Variants in HLA-DQA2 observed in about 807,000 individuals in gnomAD.
HLA-DQA2 encodes major histocompatibility complex, class II, DQ alpha 2.
In HLA-DQA2, 17 loss-of-function variants were observed where a neutral mutation model predicts 21.0. That is an observed-to-expected ratio of 0.81 (90% CI 0.56 to 1.22). The LOEUF is 1.22. Ranked by LOEUF, HLA-DQA2 falls within the 50% of genes most tolerant of loss-of-function variation. HLA-DQA2 has a pLI of 0.00. For missense variants in HLA-DQA2, 239 were observed against 308.8 expected, an observed-to-expected ratio of 0.77 and a Z score of 1.69; for synonymous variants, 81 against 116.5, an observed-to-expected ratio of 0.70 and a Z score of 1.96.
At chr6:32,745,493 T>A in intron 2 of HLA-DQA2, 86 bp downstream of exon 2, 1 of 1,416,128 alleles carries the variant, frequency 7.1e-7, no homozygotes, top group Non-Finnish European at 9.8e-7. Context: ...GATTTCCAGA[T>A]CTTCTCATGG....
rs535612458 is a variant in HLA-DQA2 at position 32,741,629 on chromosome 6, C to G, written c.82+104C>G. 13 of 1,093,150 alleles carry G rather than the reference C, an allele frequency of 1.2e-5. No homozygotes were observed. The African/African-American group carries it at 2.0e-4, about 17-fold the overall frequency. The allele number at this position is 1,093,150 out of a possible 1,614,324, so 67.7% of individuals were successfully genotyped here. A position where few individuals can be genotyped will look rare whatever the true frequency, so the allele number is the denominator to read the frequency against. ...GAAATAGTAGAAATTTCCCAAGGGT[C>G]TTTTCAATATTAAGAAATTTTAAAA... is the stretch of plus-strand genomic sequence containing the variant. On this transcript the variant is annotated intron_variant, in intron 1 of 4. Coordinates refer to ENST00000374940, the MANE Select transcript of HLA-DQA2 (RefSeq NM_020056.5).
In HLA-DQA2 at chr6:32,745,792, G is replaced by A. The variant is rs767756835; in HGVS notation, c.333G>A (p.Glu111=). Residue 111 remains glutamate, a splice_region_variant and synonymous_variant, in exon 3 of 5, where the codon GAG becomes GAA. Coordinates refer to ENST00000374940, the MANE Select transcript of HLA-DQA2 (RefSeq NM_020056.5). ...RQSNSTAATN[E]VPEVTVFSKF... Reference sequence around the variant, plus strand: ...ATCAGTGCTGTTTCCTCACCACAGAGGTTCCTGAGGTCACAGTGTTTTCCA... The same window carrying A: ...ATCAGTGCTGTTTCCTCACCACAGAAGTTCCTGAGGTCACAGTGTTTTCCA... The A allele has an allele frequency of 5.0e-6, 8 of 1,613,104 alleles. No individual in the cohort carries two copies. The highest frequency in any genetic ancestry group is 6.8e-6 in the Non-Finnish European group (8 of 1,180,048).
chr6:32,744,207 G>A lies in HLA-DQA2; in HGVS notation c.83-952G>A, dbSNP rs117610182. On this transcript the variant is annotated intron_variant, in intron 1 of 4. Transcript: ENST00000374940. ...TTTTGGATGCTCAGTAAATGAGGAA[G>A]GAAGGAAGGAAAGATAAAATGGTAA... 0.013 allele frequency among the ~76,000 whole-genome samples: 2,046 copies of A among 152,266 alleles called. 102 individuals carry two copies. In the East Asian group the frequency reaches 0.14, roughly 11 times the overall value.
rs1270400947 is a variant in HLA-DQA2 at position 32,745,892 on chromosome 6, A to G, written c.433A>G (p.Ile145Val). ...CAACATCTTTCCTCCTGTGGTCAAC[A>G]TCACCTGGCTGAGCAATGGGCACTC... Reference protein sequence around the residue: ...VDNIFPPVVNITWLSNGHSVT... With the variant: ...VDNIFPPVVNVTWLSNGHSVT... Residue 145 changes from isoleucine (I) to valine (V), a missense_variant, in exon 3 of 5, where the codon ATC becomes GTC. Ile to Val is a conservative substitution (Grantham distance 29, BLOSUM62 3). Coordinates refer to ENST00000374940, the MANE Select transcript of HLA-DQA2 (RefSeq NM_020056.5). 1 of 1,613,154 alleles carries G rather than the reference A, an allele frequency of 6.2e-7. No homozygotes were observed. Among genetic ancestry groups the G allele is most frequent in the Non-Finnish European group, 8.5e-7 (1 of 1,180,046 alleles).
chr6:32,746,449 T>A, intron 4 of HLA-DQA2, 35 bp downstream of exon 4: 1 of 1,439,026 alleles, frequency 6.9e-7, no homozygotes, highest in East Asian at 3.3e-5. Flanking sequence ...GAAACCTCAG[T>A]ATGAGAGGGA....
chr6:32,743,805 A>G (rs1368955942), intron 1 of HLA-DQA2, among the ~76,000 whole-genome samples: 1 of 152,180 alleles, frequency 6.6e-6, no homozygotes, highest in Non-Finnish European at 1.5e-5. Flanking sequence ...GGAAAAGACA[A>G]ACTTGGAGAG....
rs762568360 is a variant in HLA-DQA2, at chr6:32,745,321, C to T, written c.245C>T (p.Pro82Leu). ...TTTAGCAAATTTATAAGTTTTGACC[C>T]GCAGAGTGCACTGAGAAATATGGCT... ...PMFSKFISFD[P>L]QSALRNMAVG... Residue 82 changes from proline to leucine, a missense_variant, in exon 2 of 5, where the codon CCG becomes CTG. Physicochemically the swap from Pro to Leu is moderately conservative, Grantham distance 98. Coordinates refer to ENST00000374940, the MANE Select transcript of HLA-DQA2 (RefSeq NM_020056.5). 3.8e-6 allele frequency: 6 copies of T among 1,584,412 alleles called. No homozygotes were observed. Among genetic ancestry groups the T allele is most frequent in the South Asian group, 2.2e-5 (2 of 89,320 alleles).
At chr6:32,743,025 A>C (rs2113861909) in intron 1 of HLA-DQA2, among the ~76,000 whole-genome samples, 1 of 147,272 alleles carries the variant, frequency 6.8e-6, no homozygotes, top group Admixed American at 6.9e-5. Context: ...GCCACTGTGC[A>C]CGGCTAATTT....
chr6:32,745,322 G>T lies in HLA-DQA2; in HGVS notation c.246G>T (p.Pro82=), dbSNP rs9469266. ...PMFSKFISFD[P]QSALRNMAVG... ...TTAGCAAATTTATAAGTTTTGACCCGCAGAGTGCACTGAGAAATATGGCTG... is the reference window on the plus strand; with the variant it reads ...TTAGCAAATTTATAAGTTTTGACCCTCAGAGTGCACTGAGAAATATGGCTG... Residue 82 remains proline, a synonymous_variant, in exon 2 of 5, where the codon CCG becomes CCT. Transcript: ENST00000374940. 2.5e-6 allele frequency: 4 copies of T among 1,586,270 alleles called. No individual in the cohort carries two copies. The highest frequency in any genetic ancestry group is 1.1e-5 in the South Asian group (1 of 89,350).
In HLA-DQA2 at chr6:32,745,254, G is replaced by A. The variant is rs754332079; in HGVS notation, c.178G>A (p.Val60Met). The A allele has an allele frequency of 4.3e-6, 7 of 1,614,098 alleles. No homozygotes were observed. The Admixed American group carries it at 1.0e-4, about 23-fold the overall frequency. ...HEFDGDEEFY[V>M]DLETKETVWQ... ...ATTTGATGGAGACGAGGAGTTCTAT[G>A]TGGACCTGGAGACGAAAGAGACTGT... The change falls in exon 2 of 5, where the codon GTG (valine) becomes ATG (methionine). Residue 60 changes from valine (V) to methionine (M), a missense_variant. By Grantham distance (21) the Val-to-Met change is conservative. Coordinates refer to ENST00000374940, the MANE Select transcript of HLA-DQA2 (RefSeq NM_020056.5).
chr6:32,742,950 C>T (rs1287231086), intron 1 of HLA-DQA2, among the ~76,000 whole-genome samples: 1 of 145,036 alleles, frequency 6.9e-6, no homozygotes, highest in East Asian at 2.1e-4. Flanking sequence ...ACTGCAAGCT[C>T]CGCCTCCCAG....
At chr6:32,745,044 A>G (rs1763465392) in intron 1 of HLA-DQA2, 115 bp from the exon 2 acceptor site, 3 of 1,227,570 alleles carry the variant, frequency 2.4e-6, no homozygotes, top group Non-Finnish European at 3.4e-6. Flanking sequence ...TTGTTCAGGG[A>G]CTGTGCCAAA....
rs543564302 is a variant in HLA-DQA2 at position 32,741,528 on chromosome 6, G to A, written c.82+3G>A. 6.2e-7 allele frequency: 1 copy of A among 1,613,066 alleles called. No homozygotes were observed. Among genetic ancestry groups the A allele is most frequent in the South Asian group, 1.1e-5 (1 of 90,970 alleles). ...CTGTGGAGGTGAAGACATTGTGGGT[G>A]AGTACATGAGTGAGGAATGTTCTCT... On this transcript the variant is annotated splice_donor_region_variant and intron_variant, in intron 1 of 4. Transcript: ENST00000374940.
In HLA-DQA2 at chr6:32,746,036, C is replaced by A; in HGVS notation, c.577C>A (p.His193Asn). 1 of 1,612,316 alleles carries A rather than the reference C, an allele frequency of 6.2e-7. No homozygotes were observed. The change falls in exon 3 of 5, where the codon CAC becomes AAC. Residue 193 changes from histidine to asparagine, a missense_variant. By Grantham distance (68) the His-to-Asn change is moderately conservative (BLOSUM62 1). Coordinates refer to ENST00000374940, the MANE Select transcript of HLA-DQA2 (RefSeq NM_020056.5). ...TGAGATTTATGACTGCAAGGTGGAGCACTGGGGCCTGGACGAGCCTCTTCT... is the reference window on the plus strand; with the variant it reads ...TGAGATTTATGACTGCAAGGTGGAGAACTGGGGCCTGGACGAGCCTCTTCT... ...ADEIYDCKVE[H>N]WGLDEPLLKH...
In HLA-DQA2 at chr6:32,745,359, A is replaced by G. The variant is rs1167092197; in HGVS notation, c.283A>G (p.Thr95Ala). The G allele has an allele frequency of 6.3e-7, 1 of 1,596,454 alleles. No individual in the cohort carries two copies. The highest frequency in any genetic ancestry group is 8.5e-7 in the Non-Finnish European group (1 of 1,170,542). ...GAGAAATATGGCTGTGGGAAAACAC[A>G]CCTTGGAATTCATGATGAGACAGTC... ...ALRNMAVGKH[T>A]LEFMMRQSNS... Residue 95 changes from threonine to alanine, a missense_variant, in exon 2 of 5, where the codon ACC (threonine) becomes GCC (alanine). By Grantham distance (58) the Thr-to-Ala change is moderately conservative. Coordinates refer to ENST00000374940, the MANE Select transcript of HLA-DQA2 (RefSeq NM_020056.5).
chr6:32,745,118 C>T (rs2113868778), intron 1 of HLA-DQA2, 41 bp from the exon 2 acceptor site: 1 of 1,577,898 alleles, frequency 6.3e-7, no homozygotes, highest in Admixed American at 1.8e-5. Flanking sequence ...GGTTCTTTCT[C>T]CCTGTGTTCC....
rs112333001 is a variant in HLA-DQA2, at chr6:32,741,540, G to A, written c.82+15G>A. On this transcript the variant is annotated intron_variant, in intron 1 of 4. Coordinates refer to ENST00000374940, the MANE Select transcript of HLA-DQA2 (RefSeq NM_020056.5). ...AGACATTGTGGGTGAGTACATGAGTGAGGAATGTTCTCTGGAGCTGAAAAA... is the reference window on the plus strand; with the variant it reads ...AGACATTGTGGGTGAGTACATGAGTAAGGAATGTTCTCTGGAGCTGAAAAA... 0.015 allele frequency: 23,922 copies of A among 1,609,268 alleles called. 1,174 individuals are homozygous for A. The African/African-American group carries it at 0.18, about 12-fold the overall frequency.
At position 32,745,505 on chromosome 6, in the gene HLA-DQA2, A is replaced by G. The variant is rs551835186; in HGVS notation, c.331+98A>G. The stretch of plus-strand genomic sequence containing the variant: ...AGAGATTTCCAGATCTTCTCATGGT[A>G]ATTGCTGAAATTTTATCATCTCCCA... On this transcript the variant is annotated intron_variant, in intron 2 of 4. Transcript: ENST00000374940. 7 of 1,307,674 alleles carry G rather than the reference A, an allele frequency of 5.4e-6. No individual in the cohort carries two copies. The Admixed American group carries it at 1.1e-4, about 21-fold the overall frequency. The allele number at this position is 1,307,674 out of a possible 1,614,324, so 81.0% of individuals were successfully genotyped here. A position where few individuals can be genotyped will look rare whatever the true frequency, so the allele number is the denominator to read the frequency against.
chr6:32,745,211 T>A lies in HLA-DQA2; in HGVS notation c.135T>A (p.Ser45=), dbSNP rs770959511. Residue 45 remains serine, a synonymous_variant, in exon 2 of 5, where the codon TCT becomes TCA. Coordinates refer to ENST00000374940, the MANE Select transcript of HLA-DQA2 (RefSeq NM_020056.5). ...GVNFYQSHGP[S]GQYTHEFDGD... is the part of the protein sequence containing the mutation. ...ACTTCTACCAGTCTCACGGTCCCTC[T>A]GGCCAGTACACCCATGAATTTGATG... The A allele has an allele frequency of 6.2e-7, 1 of 1,614,046 alleles. No homozygotes were observed. Among genetic ancestry groups the A allele is most frequent in the Admixed American group, 1.7e-5 (1 of 60,012 alleles).
Sources: allele counts gnomAD v4.1 joint callset (sites outside exome capture counted in the v4.1 genomes callset), GRCh38; gene constraint gnomAD v4.1.1; transcripts MANE v1.5; gene names NCBI Gene and HGNC (gene_info 2026-07-23, HGNC 2026-07-21).